The following ITGA11 variants were observed in gnomAD, a reference collection of about 807,000 sequenced individuals.
ITGA11 encodes the protein integrin subunit alpha 11, also known as integrin alpha-11.
Under a neutral mutation model 141.9 loss-of-function variants are expected in ITGA11, and 97 were observed. The observed-to-expected ratio is 0.68, with a 90% confidence interval of 0.58 to 0.81. The LOEUF is 0.81. Among genes scored for constraint, ITGA11 ranks in the 30% least tolerant of loss-of-function variants. The probability of loss-of-function intolerance (pLI) is 0.00; values close to 1 mark genes in which losing one functional copy is unlikely to be tolerated. For synonymous variants in ITGA11, 658 were observed against 624.6 expected, an observed-to-expected ratio of 1.05 and a Z score of -0.80; for missense variants, 1,387 against 1,559.2, an observed-to-expected ratio of 0.89 and a Z score of 1.86.
At chr15:68,404,365 C>T (rs577253100) in intron 1 of ITGA11, among the ~76,000 whole-genome samples, 71 of 152,306 alleles carry the variant, frequency 4.7e-4, no homozygotes, top group African/African-American at 1.4e-3. Flanking sequence ...ATGACCCTTT[C>T]GCCCTGGCCC....
intron 11 of ITGA11, among the ~76,000 whole-genome samples, chr15:68,338,382 G>A (rs1163148723): frequency 6.6e-6 from 1 of 152,250 alleles, no homozygotes; most frequent in Non-Finnish European, 1.5e-5. Context: ...CTTGAGGGCA[G>A]GCGCTGTGTC....
At chr15:68,401,996 TG>T (rs1456998991) in intron 2 of ITGA11, among the ~76,000 whole-genome samples, 1 of 141,174 alleles carries the variant, frequency 7.1e-6, no homozygotes, top group African/African-American at 2.7e-5. Flanking sequence ...GAAACAGCAA[TG>T]CTGCGATTGT....
chr15:68,310,348 A>G (rs990648218), intron 26 of ITGA11, among the ~76,000 whole-genome samples: 1 of 152,216 alleles, frequency 6.6e-6, no homozygotes, highest in African/African-American at 2.4e-5. Context: ...TCTTTGGCAA[A>G]GCCCACTACC....
intron 2 of ITGA11, among the ~76,000 whole-genome samples, chr15:68,388,891 T>C (rs1223176382): frequency 6.6e-6 from 1 of 152,222 alleles, no homozygotes; most frequent in African/African-American, 2.4e-5. Context: ...CTCTTCACTC[T>C]GCTATTTAGG....
intron 1 of ITGA11, among the ~76,000 whole-genome samples, chr15:68,408,073 G>A (rs1202270783): frequency 6.6e-6 from 1 of 152,206 alleles, no homozygotes; most frequent in Non-Finnish European, 1.5e-5. Context: ...CTCAGCCTCT[G>A]CCTAGCCTTG....
At chr15:68,351,076 T>G (rs1245085307) in intron 8 of ITGA11, among the ~76,000 whole-genome samples, 182 bp downstream of exon 8, 1 of 152,174 alleles carries the variant, frequency 6.6e-6, no homozygotes, top group African/African-American at 2.4e-5. Context: ...GTAGCTTTTG[T>G]GGATAGGCCA....
At position 68,332,364 on chromosome 15, in the gene ITGA11, T is replaced by C; in HGVS notation, c.1540A>G (p.Lys514Glu). ...MYFNEGRERG[K>E]VYVYELRQNL... ...TGTCTCAGCTCATAGACGTACACCTTGCCTCGCTCACGGCCCTCGTTGAAG... is the reference window on the plus strand; with the variant it reads ...TGTCTCAGCTCATAGACGTACACCTCGCCTCGCTCACGGCCCTCGTTGAAG... Residue 514 changes from lysine (K) to glutamate (E), a missense_variant, in exon 13 of 30, where the codon AAG becomes GAG. Lys to Glu is a moderately conservative substitution (Grantham distance 56). Coordinates refer to ENST00000315757, the MANE Select transcript of ITGA11 (RefSeq NM_001004439.2). 1 of 1,608,566 alleles carries C rather than the reference T, an allele frequency of 6.2e-7. No individual in the cohort carries two copies. The highest frequency in any genetic ancestry group is 8.5e-7 in the Non-Finnish European group (1 of 1,177,996).
chr15:68,315,551 G>C, intron 22 of ITGA11, 100 bp downstream of exon 22: 1 of 998,822 alleles, frequency 1.0e-6, no homozygotes, highest in South Asian at 1.4e-5. Context: ...ACAGGGCGTG[G>C]GGCAGCGGAC....
intron 10 of ITGA11, among the ~76,000 whole-genome samples, chr15:68,346,508 C>G (rs1894748859): frequency 6.6e-6 from 1 of 152,212 alleles, no homozygotes; most frequent in South Asian, 2.1e-4. Context: ...GAATGGCTGT[C>G]AGCTGAAATG....
intron 1 of ITGA11, among the ~76,000 whole-genome samples, chr15:68,415,480 A>G (rs1298771824): frequency 6.6e-6 from 1 of 152,236 alleles, no homozygotes; most frequent in Non-Finnish European, 1.5e-5. Flanking sequence ...ATCTGTCCCC[A>G]TGGTATGAGC....
At chr15:68,310,719 T>C (rs898105979) in intron 26 of ITGA11, among the ~76,000 whole-genome samples, 1 of 152,226 alleles carries the variant, frequency 6.6e-6, no homozygotes, top group African/African-American at 2.4e-5. Flanking sequence ...CCCACCCCTT[T>C]CTGCTCGTTT....
At chr15:68,357,981 A>G (rs28491879) in intron 6 of ITGA11, among the ~76,000 whole-genome samples, 4,667 of 152,338 alleles carry the variant, frequency 0.031, 216 homozygotes, top group African/African-American at 0.1. Context: ...GAAATCTGCC[A>G]TCTAATAACT....
chr15:68,384,613 TAC>T lies in ITGA11; in HGVS notation c.165-15331_165-15330del, dbSNP rs1402554833. ...CCCTGGGCCAACGTTTCCCCACGAA[TAC>T]AGTTTTTCCTCTCTCCCTCTCTATC... On this transcript the variant is annotated intron_variant, in intron 2 of 29. Coordinates refer to ENST00000315757, the MANE Select transcript of ITGA11 (RefSeq NM_001004439.2). 3.3e-5 allele frequency among the ~76,000 whole-genome samples: 5 copies of T among 152,358 alleles called. No individual in the cohort carries two copies. The East Asian group carries it at 5.8e-4, about 18-fold the overall frequency.
rs186839296 is a variant in ITGA11, at chr15:68,425,685, A to G, written c.52+6330T>C. 7.9e-5 allele frequency among the ~76,000 whole-genome samples: 12 copies of G among 152,300 alleles called. 1 individual carries two copies. In the East Asian group the frequency reaches 2.3e-3, roughly 29 times the overall value. On this transcript the variant is annotated intron_variant, in intron 1 of 29. Coordinates refer to ENST00000315757, the MANE Select transcript of ITGA11 (RefSeq NM_001004439.2). ...ACATTGGGAGTGCTCTTTGCAGACT[A>G]TCTAGAGCTACGCCCACTTGCCCAT...
At chr15:68,358,661 A>C (rs1870047257) in intron 5 of ITGA11, 76 bp from the exon 6 acceptor site, 2 of 1,475,278 alleles carry the variant, frequency 1.4e-6, no homozygotes, top group African/African-American at 1.4e-5. Flanking sequence ...ACAATTGTTC[A>C]AAGGACAAAT....
intron 2 of ITGA11, among the ~76,000 whole-genome samples, chr15:68,381,334 T>C (rs1464245897): frequency 6.6e-6 from 1 of 152,222 alleles, no homozygotes; most frequent in East Asian, 1.9e-4. Flanking sequence ...GGCTTTAAGA[T>C]GATGGAAAAC....
At chr15:68,342,560 T>C (rs1301318883) in intron 10 of ITGA11, among the ~76,000 whole-genome samples, 1 of 152,202 alleles carries the variant, frequency 6.6e-6, no homozygotes, top group Non-Finnish European at 1.5e-5. Flanking sequence ...ACCTGGCCTC[T>C]GAGGCAGTCT....
At chr15:68,359,670 AAAT>A (rs202060341) in intron 5 of ITGA11, among the ~76,000 whole-genome samples, 3,479 of 149,394 alleles carry the variant, frequency 0.023, 55 homozygotes, top group South Asian at 0.035. Flanking sequence ...CAAAACAAAC[AAAT>A]AAAAAAAAAA....
rs112261150 is a variant in ITGA11 at position 68,324,339 on chromosome 15, G to A, written c.2322+792C>T. On this transcript the variant is annotated intron_variant, in intron 18 of 29. Coordinates refer to ENST00000315757, the MANE Select transcript of ITGA11 (RefSeq NM_001004439.2). The surrounding 1 kb of genome is among the most constrained non-coding windows in gnomAD (Gnocchi z 6.3). Reference sequence around the variant, plus strand: ...ATAATTCTGAAACTGCTTCCTGGCTGGACTCTGTCACTCACACAGACGTTG... The same window carrying A: ...ATAATTCTGAAACTGCTTCCTGGCTAGACTCTGTCACTCACACAGACGTTG... Among the ~76,000 whole-genome samples the A allele has an allele frequency of 6.6e-6, 1 of 152,108 alleles. No individual in the cohort carries two copies. Among genetic ancestry groups the A allele is most frequent in the Non-Finnish European group, 1.5e-5 (1 of 68,030 alleles).
Sources: allele counts gnomAD v4.1 joint callset (sites outside exome capture counted in the v4.1 genomes callset), GRCh38; gene constraint gnomAD v4.1.1; non-coding constraint Gnocchi (gnomAD v3.1); transcripts MANE v1.5; gene names NCBI Gene and HGNC (gene_info 2026-07-23, HGNC 2026-07-21).